The following LRRC32 variants were observed in gnomAD, a reference collection of about 807,000 sequenced individuals.
The protein encoded by LRRC32 is transforming growth factor beta activator LRRC32.
Under a neutral mutation model 15.0 loss-of-function variants are expected in LRRC32, and 5 were observed. The ratio of observed to expected loss-of-function variants is 0.33; its 90% CI spans 0.17 to 0.70. The LOEUF is 0.70. LRRC32 is among the 30% of genes least tolerant of loss of function. The pLI is 0.66. For synonymous variants in LRRC32, 391 were observed against 403.9 expected, an observed-to-expected ratio of 0.97 and a Z score of 0.38; for missense variants, 803 against 854.2, an observed-to-expected ratio of 0.94 and a Z score of 0.75.
intron 1 of LRRC32, among the ~76,000 whole-genome samples, chr11:76,669,386 T>TGTGTGTGAGA (rs1439284769): frequency 6.3e-4 from 81 of 127,926 alleles, no homozygotes; most frequent in African/African-American, 2.3e-3. Context: ...TGTGTGTGTG[T>TGTGTGTGAGA]GAGAGAGAGA....
rs1439759460 is a variant in LRRC32, at chr11:76,659,713, T to C, written c.1880A>G (p.Asn627Ser). 3 of 1,614,002 alleles carry C rather than the reference T, an allele frequency of 1.9e-6. No individual in the cohort carries two copies. The highest frequency in any genetic ancestry group is 1.1e-5 in the South Asian group (1 of 91,062). The change falls in exon 3 of 3, where the codon AAC becomes AGC. Residue 627 changes from asparagine to serine, a missense_variant. Asn to Ser is a conservative substitution (Grantham distance 46). Coordinates refer to ENST00000260061, the MANE Select transcript of LRRC32 (RefSeq NM_001128922.2). ...TATGAAGGTGAGGATGATGATGAGG[T>C]TGATGTTCTTCAGTCCCCCCTTCTC... ...DCEKGGLKNINLIIILTFILV... is the reference protein window; with the variant it reads ...DCEKGGLKNISLIIILTFILV...
chr11:76,659,526 CTG>C lies in LRRC32; in HGVS notation c.*76_*77del, dbSNP rs1952471806. On this transcript the variant is annotated 3_prime_UTR_variant, in exon 3 of 3. Coordinates refer to ENST00000260061, the MANE Select transcript of LRRC32 (RefSeq NM_001128922.2). ...ACCAGAGTTCTGGGATCCCGGATCA[CTG>C]TGTGACCTTGAGTCAGTCCTCACTC... 1 of 1,457,158 alleles carries C rather than the reference CTG, an allele frequency of 6.9e-7. No individual in the cohort carries two copies. Among genetic ancestry groups the C allele is most frequent in the South Asian group, 1.3e-5 (1 of 76,568 alleles). 90.3% of individuals were successfully genotyped at this position (1,457,158 alleles called of 1,614,324 possible).
intron 1 of LRRC32, among the ~76,000 whole-genome samples, chr11:76,667,671 GC>G (rs1952647464): frequency 1.3e-5 from 2 of 152,204 alleles, no homozygotes; most frequent in Non-Finnish European, 2.9e-5. Context: ...GAACGCCACC[GC>G]CCGTTAGAAA....
At chr11:76,669,759 T>G (rs1395937878) in intron 1 of LRRC32, 1 of 152,280 alleles carries the variant, frequency 6.6e-6, no homozygotes, top group Non-Finnish European at 1.5e-5. Context: ...AGAAGTGACT[T>G]ACCCAAAGTC....
intron 1 of LRRC32, among the ~76,000 whole-genome samples, chr11:76,667,580 C>A (rs1952645770): frequency 6.6e-6 from 1 of 152,272 alleles, no homozygotes; most frequent in South Asian, 2.1e-4. Context: ...GCCACAGGCG[C>A]TGCCCCTGCA....
rs760165230 is a variant in LRRC32 at position 76,660,744 on chromosome 11, T to C, written c.849A>G (p.Pro283=). 10 of 1,613,802 alleles carry C rather than the reference T, an allele frequency of 6.2e-6. No homozygotes were observed. The highest frequency in any genetic ancestry group is 1.1e-5 in the South Asian group (1 of 91,034). Reference sequence around the variant, plus strand: ...CGTGGATGCCCTTGCTGTCCTGGGGTGGCCCTGTGGGGAGCCGGATGAGGT... The same window carrying C: ...CGTGGATGCCCTTGCTGTCCTGGGGCGGCCCTGTGGGGAGCCGGATGAGGT... ...SNNLIRLPTG[P]PQDSKGIHAP... is the part of the protein sequence containing the mutation. The change falls in exon 3 of 3, where the codon CCA becomes CCG. Residue 283 remains proline (P), a synonymous_variant. Coordinates refer to ENST00000260061, the MANE Select transcript of LRRC32 (RefSeq NM_001128922.2).
intron 2 of LRRC32, chr11:76,663,903 A>T (rs949380492): frequency 6.6e-6 from 1 of 152,254 alleles, no homozygotes; most frequent in Non-Finnish European, 1.5e-5. Context: ...AACTGAGGCT[A>T]AGGGGAGTGG....
rs367700341 is a variant in LRRC32, at chr11:76,659,638, C to T, written c.1955G>A (p.Arg652His). ...LTTLAACCCV[R>H]RQKFNQQYKA ...ATACTGTTGGTTAAACTTCTGCCGG[C>T]GGACGCAGCAGCAGGCGGCCAGCGT... is the stretch of plus-strand genomic sequence containing the variant. The change falls in exon 3 of 3, where the codon CGC (arginine) becomes CAC (histidine). Residue 652 changes from arginine (R) to histidine (H), a missense_variant. Physicochemically the swap from Arg to His is conservative, Grantham distance 29 (BLOSUM62 0). Coordinates refer to ENST00000260061, the MANE Select transcript of LRRC32 (RefSeq NM_001128922.2). 4.3e-5 allele frequency: 70 copies of T among 1,614,038 alleles called. No individual in the cohort carries two copies. The highest frequency in any genetic ancestry group is 6.7e-5 in the East Asian group (3 of 44,904).
chr11:76,660,579 C>G lies in LRRC32; in HGVS notation c.1014G>C (p.Leu338=), dbSNP rs557953118. 1.4e-3 allele frequency: 2,298 copies of G among 1,614,174 alleles called. 44 individuals carry two copies. In the South Asian group the frequency reaches 0.024, roughly 17 times the overall value. The part of the protein sequence containing the change: ...ELIPDSFLEH[L]TSLCFLNLSR... The stretch of plus-strand genomic sequence containing the variant: ...TGAGGTTCAGGAAGCACAGGGAGGT[C>G]AGGTGCTCAAGAAAGCTGTCGGGGA... The change falls in exon 3 of 3, where the codon CTG becomes CTC. Residue 338 remains leucine, a synonymous_variant. Coordinates refer to ENST00000260061, the MANE Select transcript of LRRC32 (RefSeq NM_001128922.2).
chr11:76,667,848 T>C (rs1000610097), intron 1 of LRRC32, among the ~76,000 whole-genome samples: 4 of 152,220 alleles, frequency 2.6e-5, no homozygotes, highest in African/African-American at 9.7e-5. Flanking sequence ...CCTGAGCAGA[T>C]TTTCACTGCC....
chr11:76,660,829 A>G lies in LRRC32; in HGVS notation c.764T>C (p.Leu255Pro), dbSNP rs755065816. 1.2e-6 allele frequency: 2 copies of G among 1,614,028 alleles called. No individual in the cohort carries two copies. Residue 255 changes from leucine (L) to proline (P), a missense_variant, in exon 3 of 3, where the codon CTG becomes CCG. Leu to Pro is a moderately conservative substitution (Grantham distance 98). Coordinates refer to ENST00000260061, the MANE Select transcript of LRRC32 (RefSeq NM_001128922.2). ...LTWLDLRENK[L>P]LHFPDLAALP... ...CGCGGCCAGGTCGGGGAAATGGAGCAGTTTGTTCTCCCGCAGGTCAAGCCA... is the reference window on the plus strand; with the variant it reads ...CGCGGCCAGGTCGGGGAAATGGAGCGGTTTGTTCTCCCGCAGGTCAAGCCA...
At chr11:76,664,204 C>A (rs1295838729) in intron 2 of LRRC32, among the ~76,000 whole-genome samples, 5 of 152,230 alleles carry the variant, frequency 3.3e-5, no homozygotes, top group Non-Finnish European at 7.4e-5. Flanking sequence ...CAGCCCAAGA[C>A]TGGCTTTCCA....
In LRRC32 at chr11:76,660,873, C is replaced by A; in HGVS notation, c.720G>T (p.Gln240His). 5 of 1,614,208 alleles carry A rather than the reference C, an allele frequency of 3.1e-6. No individual in the cohort carries two copies. The highest frequency in any genetic ancestry group is 4.2e-6 in the Non-Finnish European group (5 of 1,180,040). ...CAAGCCAGGTGAGCTGGAACTCAGC[C>A]TGGGGCTGGGAGGCCGTCTGAAAGG... is the stretch of plus-strand genomic sequence containing the variant. ...IEAFQTASQP[Q>H]AEFQLTWLDL... The change falls in exon 3 of 3, where the codon CAG (glutamine) becomes CAT (histidine). Residue 240 changes from glutamine to histidine, a missense_variant. Coordinates refer to ENST00000260061, the MANE Select transcript of LRRC32 (RefSeq NM_001128922.2).
intron 2 of LRRC32, chr11:76,663,413 G>T (rs540452395): frequency 1.8e-4 from 28 of 152,348 alleles, no homozygotes; most frequent in Non-Finnish European, 4.0e-4. Context: ...GAGCTGGTAG[G>T]GAGGGAACAC....
intron 1 of LRRC32, among the ~76,000 whole-genome samples, chr11:76,670,188 A>T (rs1248503014): frequency 6.6e-6 from 1 of 152,186 alleles, no homozygotes; most frequent in Non-Finnish European, 1.5e-5. Flanking sequence ...AGCCCCTTGG[A>T]GAGCGGTGGG....
In LRRC32 at chr11:76,660,066, G is replaced by A. The variant is rs766400919; in HGVS notation, c.1527C>T (p.Asp509=). 9 of 1,614,114 alleles carry A rather than the reference G, an allele frequency of 5.6e-6. No homozygotes were observed. Among genetic ancestry groups the A allele is most frequent in the Non-Finnish European group, 5.9e-6 (7 of 1,180,018 alleles). ...QGNGLMVLQV[D]LPCFICLKRL... is the part of the protein sequence containing the mutation. ...GCTTGAGGCAGATGAAGCAGGGCAG[G>A]TCCACCTGCAGGACCATCAGCCCGT... The change falls in exon 3 of 3, where the codon GAC becomes GAT. Residue 509 remains aspartate, a synonymous_variant. Transcript: ENST00000260061.
In LRRC32 at chr11:76,660,866, A is replaced by T; in HGVS notation, c.727T>A (p.Phe243Ile). ...FQTASQPQAE[F>I]QLTWLDLREN... ...CGCAGGTCAAGCCAGGTGAGCTGGA[A>T]CTCAGCCTGGGGCTGGGAGGCCGTC... Residue 243 changes from phenylalanine (F) to isoleucine (I), a missense_variant, in exon 3 of 3, where the codon TTC becomes ATC. Transcript: ENST00000260061. 1 of 1,614,044 alleles carries T rather than the reference A, an allele frequency of 6.2e-7. No individual in the cohort carries two copies. Among genetic ancestry groups the T allele is most frequent in the Non-Finnish European group, 8.5e-7 (1 of 1,179,990 alleles).
rs1342047763 is a variant in LRRC32, at chr11:76,665,853, C to A, written c.84+18G>T. The stretch of plus-strand genomic sequence containing the variant: ...GAGGTGGGGGTGGTCCTCACCCTGT[C>A]TGGGCAGAGCATCTTACCATCTTAC... On this transcript the variant is annotated intron_variant, in intron 2 of 2. Coordinates refer to ENST00000260061, the MANE Select transcript of LRRC32 (RefSeq NM_001128922.2). The A allele has an allele frequency of 1.9e-6, 3 of 1,613,952 alleles. No individual in the cohort carries two copies. In the South Asian group the frequency reaches 3.3e-5, roughly 18 times the overall value.
rs747056345 is a variant in LRRC32 at position 76,661,367 on chromosome 11, G to A, written c.226C>T (p.Arg76Cys). ...TCATTGGTGCTCAGGTCCAGGTGAC[G>A]AAGTGCTGTGTAGAAGCCCAGGGGT... Reference protein sequence around the residue: ...ASPLGFYTALRHLDLSTNEIS... With the variant: ...ASPLGFYTALCHLDLSTNEIS... The change falls in exon 3 of 3, where the codon CGT (arginine) becomes TGT (cysteine). Residue 76 changes from arginine (R) to cysteine (C), a missense_variant. Arg to Cys is a radical substitution (Grantham distance 180). Coordinates refer to ENST00000260061, the MANE Select transcript of LRRC32 (RefSeq NM_001128922.2). 2 of 1,614,186 alleles carry A rather than the reference G, an allele frequency of 1.2e-6. No individual in the cohort carries two copies. The highest frequency in any genetic ancestry group is 1.7e-6 in the Non-Finnish European group (2 of 1,179,998).
Sources: allele counts gnomAD v4.1 joint callset (sites outside exome capture counted in the v4.1 genomes callset), GRCh38; gene constraint gnomAD v4.1.1; transcripts MANE v1.5; gene names NCBI Gene and HGNC (gene_info 2026-07-23, HGNC 2026-07-21).